SMIM13: variants seen among roughly 807,000 people sequenced by gnomAD.
SMIM13 encodes UPF0766 protein C6orf228.
SMIM13 carries 3 observed loss-of-function variants against 5.9 expected under a neutral mutation model. That is an observed-to-expected ratio of 0.51 (90% confidence interval 0.23 to 1.31). The LOEUF is 1.31. Ranked by LOEUF, SMIM13 falls within the 40% of genes most tolerant of loss-of-function variation. The pLI is 0.18. For missense variants in SMIM13, 85 were observed against 109.9 expected, an observed-to-expected ratio of 0.77 and a Z score of 1.01; for synonymous variants, 55 against 46.0, an observed-to-expected ratio of 1.19 and a Z score of -0.79.
intron 1 of SMIM13, among the ~76,000 whole-genome samples, chr6:11,111,333 G>A (rs905157915): frequency 3.3e-5 from 5 of 152,218 alleles, no homozygotes; most frequent in African/African-American, 1.2e-4. Flanking sequence ...AAAATAGGTG[G>A]TGGTGGGTTT....
chr6:11,127,562 T>C (rs764740363), intron 1 of SMIM13, among the ~76,000 whole-genome samples: 1 of 152,210 alleles, frequency 6.6e-6, no homozygotes, highest in Admixed American at 6.5e-5. Flanking sequence ...TGGGGAAGAC[T>C]CACAATTATG....
At chr6:11,099,571 A>G (rs1757966273) in intron 1 of SMIM13, among the ~76,000 whole-genome samples, 1 of 152,206 alleles carries the variant, frequency 6.6e-6, no homozygotes, top group Non-Finnish European at 1.5e-5. Context: ...TATATCCCTG[A>G]CACCTACAGA....
chr6:11,118,565 AGGT>A (rs1758270417), intron 1 of SMIM13, among the ~76,000 whole-genome samples: 1 of 152,214 alleles, frequency 6.6e-6, no homozygotes. Context: ...CTCATAGGGA[AGGT>A]GGTCAGTACT....
chr6:11,120,827 G>A (rs796748150), intron 1 of SMIM13, among the ~76,000 whole-genome samples: 5 of 152,224 alleles, frequency 3.3e-5, no homozygotes, highest in African/African-American at 1.2e-4. Flanking sequence ...CAGATGGGTC[G>A]TGTAAAAGCA....
intron 1 of SMIM13, among the ~76,000 whole-genome samples, chr6:11,124,816 A>G (rs1027735911): frequency 6.6e-6 from 1 of 152,124 alleles, no homozygotes; most frequent in Admixed American, 6.6e-5. Flanking sequence ...TCTTATCAGT[A>G]ATGTCCTTTT....
chr6:11,120,205 C>T (rs371150378), intron 1 of SMIM13, among the ~76,000 whole-genome samples: 1 of 152,206 alleles, frequency 6.6e-6, no homozygotes, highest in Admixed American at 6.5e-5. Context: ...AGTTATACTG[C>T]ACCTGGGCTT....
chr6:11,117,165 A>ATT (rs34579750), intron 1 of SMIM13, among the ~76,000 whole-genome samples: 2 of 69,032 alleles, frequency 2.9e-5, no homozygotes, highest in East Asian at 3.9e-4. Flanking sequence ...TAATTTTTGT[A>ATT]TTTTTTTTTT....
chr6:11,104,757 A>G (rs201709473), intron 1 of SMIM13: 2 of 1,614,240 alleles, frequency 1.2e-6, no homozygotes, highest in Non-Finnish European at 1.7e-6. Context: ...TTTATCTAGC[A>G]AAGTTCCCTG....
rs183690343 is a variant in SMIM13, at chr6:11,098,104, G to A, written c.76+3715G>A. The stretch of plus-strand genomic sequence containing the variant: ...ATATTGAGTGTCTACCAGGAACTGG[G>A]AACACAGTTCCTGTCCCTAGGAATT... On this transcript the variant is annotated intron_variant, in intron 1 of 1. Coordinates refer to ENST00000416247, the MANE Select transcript of SMIM13 (RefSeq NM_001135575.2). 2.9e-3 allele frequency among the ~76,000 whole-genome samples: 439 copies of A among 152,214 alleles called. 1 individual carries two copies. Among genetic ancestry groups the A allele is most frequent in the Non-Finnish European group, 4.2e-3 (283 of 67,996 alleles).
At chr6:11,096,045 T>G (rs1757918130) in intron 1 of SMIM13, among the ~76,000 whole-genome samples, 1 of 152,240 alleles carries the variant, frequency 6.6e-6, no homozygotes, top group African/African-American at 2.4e-5. Flanking sequence ...AACAGCTGTT[T>G]GATGGTTTAA....
chr6:11,105,136 G>C, intron 1 of SMIM13: 2 of 1,614,220 alleles, frequency 1.2e-6, no homozygotes, highest in Non-Finnish European at 1.7e-6. Context: ...GGCGAGGCTG[G>C]ATAAGCTGTC....
intron 1 of SMIM13, among the ~76,000 whole-genome samples, chr6:11,097,069 C>G (rs1373728878): frequency 6.6e-6 from 1 of 152,186 alleles, no homozygotes; most frequent in Non-Finnish European, 1.5e-5. Flanking sequence ...AGCTCCCGAC[C>G]TCAGGTGATC....
intron 1 of SMIM13, among the ~76,000 whole-genome samples, chr6:11,119,779 A>G (rs553562954): frequency 2.0e-5 from 3 of 152,320 alleles, no homozygotes; most frequent in Non-Finnish European, 2.9e-5. Context: ...TTTAAAAGGT[A>G]ACTTGAAATG....
Position 11,138,585 on chromosome 6 carries a change from CAA to C in SMIM13, c.*3984_*3985del, listed in dbSNP as rs1439273022. The stretch of plus-strand genomic sequence containing the variant: ...TTTAATAGTACCTTTGTATATATAA[CAA>C]GATGTAAAATTAAAGATGAGGAATG... On this transcript the variant is annotated 3_prime_UTR_variant, in exon 2 of 2. Coordinates refer to ENST00000416247, the MANE Select transcript of SMIM13 (RefSeq NM_001135575.2). 3 of 151,958 alleles carry C rather than the reference CAA, an allele frequency of 2.0e-5. No individual in the cohort carries two copies. The highest frequency in any genetic ancestry group is 4.4e-5 in the Non-Finnish European group (3 of 67,994). The allele number at this position is 151,958 out of a possible 1,614,324, so 9.4% of individuals were successfully genotyped here.
chr6:11,121,525 C>T (rs1234585252), intron 1 of SMIM13, among the ~76,000 whole-genome samples: 1 of 152,032 alleles, frequency 6.6e-6, no homozygotes, highest in African/African-American at 2.4e-5. Context: ...GCCCAGAGTC[C>T]GGATTAGGTT....
At chr6:11,104,318 G>T (rs1364121891) in intron 1 of SMIM13, 2 of 1,551,606 alleles carry the variant, frequency 1.3e-6, no homozygotes, top group Non-Finnish European at 1.7e-6. Context: ...GAGAGAGATT[G>T]CCAGGGGCTA....
At chr6:11,132,194 G>A (rs1407563097) in intron 1 of SMIM13, among the ~76,000 whole-genome samples, 1 of 152,106 alleles carries the variant, frequency 6.6e-6, no homozygotes, top group African/African-American at 2.4e-5. Context: ...TTAGTCATGA[G>A]GGAAATGCAA....
chr6:11,105,525 T>G, intron 1 of SMIM13: 1 of 528,882 alleles, frequency 1.9e-6, no homozygotes. Flanking sequence ...CTTGCAAGTG[T>G]ATTCCGGAGC....
intron 1 of SMIM13, among the ~76,000 whole-genome samples, chr6:11,116,190 G>C (rs757884137): frequency 4.0e-5 from 6 of 151,370 alleles, no homozygotes; most frequent in Admixed American, 6.6e-5. Context: ...GCTAATTTTT[G>C]TATTTTTTGC....
Sources: gnomAD v4.1 joint callset for allele counts (sites outside exome capture counted in the v4.1 genomes callset) on GRCh38, gnomAD v4.1.1 for gene constraint, MANE v1.5 for transcripts, NCBI Gene and HGNC (gene_info 2026-07-23, HGNC 2026-07-21) for gene names.